The following CDK14 variants were observed in gnomAD, a reference collection of about 807,000 sequenced individuals.
CDK14 encodes the protein cyclin-dependent kinase 14.
CDK14 carries 34 observed loss-of-function variants against 60.7 expected under a neutral mutation model. The observed-to-expected ratio is 0.56, with a 90% CI of 0.43 to 0.75. The LOEUF is 0.75. Among genes scored for constraint, CDK14 ranks in the 30% least tolerant of loss-of-function variants. The pLI is 0.00. For missense variants in CDK14, 482 were observed against 564.1 expected (o/e 0.85, Z 1.47); for synonymous variants, 197 against 203.7 (o/e 0.97, Z 0.28).
intron 7 of CDK14, 36 bp from the exon 8 acceptor site, chr7:90,917,565 T>C: frequency 6.2e-7 from 1 of 1,606,168 alleles, no homozygotes; most frequent in Non-Finnish European, 8.5e-7. Context: ...CATTTATCTG[T>C]GTTCTGATTT....
intron 12 of CDK14, among the ~76,000 whole-genome samples, chr7:91,087,627 T>C (rs1206375341): frequency 1.3e-5 from 2 of 152,196 alleles, no homozygotes; most frequent in African/African-American, 4.8e-5. Context: ...TGGCAAATAT[T>C]AGTTTACCTC....
intron 6 of CDK14, among the ~76,000 whole-genome samples, chr7:90,894,115 A>G (rs1167436245): frequency 1.3e-5 from 2 of 152,172 alleles, no homozygotes; most frequent in African/African-American, 4.8e-5. Flanking sequence ...CGTCATCATC[A>G]TCATCATGAA....
intron 2 of CDK14, among the ~76,000 whole-genome samples, chr7:90,625,848 G>A (rs1176319800): frequency 1.3e-5 from 2 of 152,174 alleles, no homozygotes; most frequent in Non-Finnish European, 2.9e-5. Context: ...CTTCGTACTC[G>A]TAGTCTTATT....
At chr7:90,681,462 C>T (rs532506138) in intron 2 of CDK14, among the ~76,000 whole-genome samples, 2 of 152,244 alleles carry the variant, frequency 1.3e-5, no homozygotes, top group South Asian at 4.1e-4. Flanking sequence ...TGAACGGGTC[C>T]TTTACATTCT....
intron 11 of CDK14, 143 bp downstream of exon 11, chr7:91,046,103 C>T: frequency 1.7e-6 from 1 of 602,060 alleles, no homozygotes; most frequent in East Asian, 2.8e-5. Context: ...ATGGAATTGT[C>T]CTTTTATTTT....
intron 13 of CDK14, 32 bp from the exon 14 acceptor site, chr7:91,118,033 A>G (rs1432339553): frequency 8.0e-7 from 1 of 1,246,504 alleles, no homozygotes; most frequent in South Asian, 1.3e-5. Context: ...ATCTATAACT[A>G]TATAAATGAA....
chr7:91,086,359 G>A (rs1484832337), intron 12 of CDK14, among the ~76,000 whole-genome samples: 1 of 152,138 alleles, frequency 6.6e-6, no homozygotes, highest in East Asian at 1.9e-4. Context: ...CTCCTGAGGG[G>A]CGCAGCCTGT....
intron 2 of CDK14, among the ~76,000 whole-genome samples, chr7:90,646,636 A>G (rs753044509): frequency 6.6e-6 from 1 of 152,154 alleles, no homozygotes; most frequent in Admixed American, 6.6e-5. Flanking sequence ...TTCTTTGCCT[A>G]TGGGTCTCTT....
At chr7:91,166,434 T>A (rs995730755) in intron 14 of CDK14, among the ~76,000 whole-genome samples, 13 of 151,882 alleles carry the variant, frequency 8.6e-5, no homozygotes, top group Non-Finnish European at 1.9e-4. Flanking sequence ...GAAGTGCCTA[T>A]TAATTAATTT....
chr7:91,139,814 CTTTT>C (rs1219427311), intron 14 of CDK14, among the ~76,000 whole-genome samples: 3 of 132,896 alleles, frequency 2.3e-5, no homozygotes, highest in Non-Finnish European at 4.9e-5. Flanking sequence ...TTCTTTCTTT[CTTTT>C]CTTTTCTTTC....
At chr7:90,650,069 C>A (rs932245039) in intron 2 of CDK14, among the ~76,000 whole-genome samples, 5 of 152,154 alleles carry the variant, frequency 3.3e-5, no homozygotes, top group Admixed American at 3.3e-4. Flanking sequence ...ATTTACACTC[C>A]CACCAACAGT....
chr7:90,707,621 G>T (rs570089989), intron 2 of CDK14, among the ~76,000 whole-genome samples: 5 of 152,244 alleles, frequency 3.3e-5, no homozygotes, highest in African/African-American at 1.2e-4. Flanking sequence ...GGCCCTTTCT[G>T]CCCTGGCATT....
In CDK14 at chr7:90,784,519, GTACCCTGTAAAT is replaced by G. The variant is rs753081496; in HGVS notation, c.465-6053_465-6042del. On this transcript the variant is annotated intron_variant, in intron 4 of 14. Coordinates refer to ENST00000380050, the MANE Select transcript of CDK14 (RefSeq NM_001287135.2). The stretch of plus-strand genomic sequence containing the variant: ...TTATATGTTTATATCAATAGCATAT[GTACCCTGTAAAT>G]ATGTACAACTATTATGTATCCATAA... 5.9e-4 allele frequency among the ~76,000 whole-genome samples: 90 copies of G among 152,286 alleles called. 1 individual carries two copies. The highest frequency in any genetic ancestry group is 1.2e-3 in the South Asian group (6 of 4,826).
In CDK14 at chr7:90,757,248, GTGTC is replaced by G. The variant is rs1487311403; in HGVS notation, c.464+9477_464+9480del. Among the ~76,000 whole-genome samples the G allele has an allele frequency of 2.4e-3, 327 of 135,716 alleles. 1 individual carries two copies. Among genetic ancestry groups the G allele is most frequent in the African/African-American group, 6.5e-3 (238 of 36,476 alleles). 89.0% of individuals were successfully genotyped at this position (135,716 alleles called of 152,430 possible). ...TGTGTGTGTGTGTGTGTGTGTGTGTGTGTCTGTGTGTGTCTGTGTCCAAGTTTTC... is the reference window on the plus strand; with the variant it reads ...TGTGTGTGTGTGTGTGTGTGTGTGTGTGTGTGTGTCTGTGTCCAAGTTTTC... On this transcript the variant is annotated intron_variant, in intron 4 of 14. Transcript: ENST00000380050.
intron 11 of CDK14, among the ~76,000 whole-genome samples, chr7:91,054,850 G>A (rs893369121): frequency 1.3e-5 from 2 of 152,178 alleles, no homozygotes; most frequent in Non-Finnish European, 2.9e-5. Context: ...AACAATTCAG[G>A]GGGGCAGGTC....
chr7:91,031,136 G>A (rs1004004690), intron 10 of CDK14, among the ~76,000 whole-genome samples: 15 of 152,172 alleles, frequency 9.9e-5, no homozygotes, highest in African/African-American at 3.4e-4. Flanking sequence ...TATATTGTGA[G>A]TCTCAAACAG....
intron 2 of CDK14, among the ~76,000 whole-genome samples, chr7:90,622,391 T>C (rs1193291145): frequency 2.6e-5 from 4 of 152,252 alleles, no homozygotes; most frequent in Non-Finnish European, 5.9e-5. Flanking sequence ...CTTGAGCTTA[T>C]GAGTTTTCTG....
chr7:90,723,731 T>C (rs538762413), intron 2 of CDK14, among the ~76,000 whole-genome samples: 2 of 152,300 alleles, frequency 1.3e-5, no homozygotes, highest in African/African-American at 4.8e-5. Flanking sequence ...TATTTTAAAA[T>C]GGTGAATTAC....
chr7:91,056,121 A>G (rs1378795516), intron 11 of CDK14, among the ~76,000 whole-genome samples: 2 of 152,206 alleles, frequency 1.3e-5, no homozygotes, highest in African/African-American at 4.8e-5. Context: ...TGGATGTAAA[A>G]CAAGAAAACG....
Sources: gnomAD v4.1 joint callset for allele counts (sites outside exome capture counted in the v4.1 genomes callset) on GRCh38, gnomAD v4.1.1 for gene constraint, MANE v1.5 for transcripts, NCBI Gene and HGNC (gene_info 2026-07-23, HGNC 2026-07-21) for gene names.